The following KLK9 variants were observed in gnomAD, a reference collection of about 807,000 sequenced individuals.
KLK9 encodes kallikrein-9.
KLK9 carries 26 observed loss-of-function variants against 23.3 expected under a neutral mutation model. The observed-to-expected ratio is 1.12, with a 90% CI of 0.82 to 1.55. KLK9 has a LOEUF of 1.55. KLK9 is among the 40% of genes most tolerant of loss of function. The pLI, the probability that KLK9 is intolerant of heterozygous loss-of-function variation, is 0.00. For missense variants in KLK9, 346 were observed against 333.7 expected, an observed-to-expected ratio of 1.04 and a Z score of -0.29; for synonymous variants, 122 against 128.5, an observed-to-expected ratio of 0.95 and a Z score of 0.34.
In KLK9 at chr19:51,009,580, C is replaced by A. The variant is rs1242967565; in HGVS notation, c.-33G>T. On this transcript the variant is annotated 5_prime_UTR_variant, in exon 1 of 5. Transcript: ENST00000594211. This position sits in a 1 kb window ranked among gnomAD's most constrained non-coding sequence, Gnocchi z 4.8. ...GGGCACCTGGATCCTGGAACGTGCA[C>A]CCGGCGTCCAGTGCTTCTTTATGGT... is the stretch of plus-strand genomic sequence containing the variant. 6.2e-7 allele frequency: 1 copy of A among 1,605,888 alleles called. No homozygotes were observed. The highest frequency in any genetic ancestry group is 8.5e-7 in the Non-Finnish European group (1 of 1,175,506).
chr19:51,009,200 A>G lies in KLK9; in HGVS notation c.183T>C (p.Ala61=). The G allele has an allele frequency of 6.2e-7, 1 of 1,608,394 alleles. No individual in the cohort carries two copies. The highest frequency in any genetic ancestry group is 8.5e-7 in the Non-Finnish European group (1 of 1,178,900). The change falls in exon 2 of 5, where the codon GCT becomes GCC. Residue 61 remains alanine (A), a synonymous_variant. Coordinates refer to ENST00000594211, the MANE Select transcript of KLK9 (RefSeq NM_012315.2). This position sits in a 1 kb window ranked among gnomAD's most constrained non-coding sequence, Gnocchi z 4.8. Reference sequence around the variant, plus strand: ...TCACTCACGGCTTGCGGCAGTGGGCAGCTGTGAGCAGCCAGCGGTCACTGA... The same window carrying G: ...TCACTCACGGCTTGCGGCAGTGGGCGGCTGTGAGCAGCCAGCGGTCACTGA... The part of the protein sequence containing the change: ...TLISDRWLLT[A]AHCRKPYLWV...
Position 51,003,163 on chromosome 19 carries a change from T to C in KLK9, c.701A>G (p.Tyr234Cys), listed in dbSNP as rs756464177. 6.2e-7 allele frequency: 1 copy of C among 1,612,988 alleles called. No individual in the cohort carries two copies. The highest frequency in any genetic ancestry group is 1.1e-5 in the South Asian group (1 of 91,008). ...PCSRPRRPAV[Y>C]TSVCHYLDWI... ...GTCAAGGTAGTGGCATACGCTGGTG[T>C]AGACTGCGGGGCGCCGGGGTCTGGA... Residue 234 changes from tyrosine (Y) to cysteine (C), a missense_variant, in exon 5 of 5, where the codon TAC becomes TGC. Transcript: ENST00000594211.
At position 51,006,754 on chromosome 19, in the gene KLK9, G is replaced by T; in HGVS notation, c.201-31C>A. ...GGGACAGGCCTCAGAGGTCAAGCTG[G>T]GGGAAAGGTAAAAGTCCTTTCAGCC... On this transcript the variant is annotated intron_variant, in intron 2 of 4. Transcript: ENST00000594211. The surrounding 1 kb of genome is among the most constrained non-coding windows in gnomAD (Gnocchi z 4.1). 6.5e-7 allele frequency: 1 copy of T among 1,532,802 alleles called. No homozygotes were observed. The highest frequency in any genetic ancestry group is 1.3e-5 in the South Asian group (1 of 77,874). The allele number at this position is 1,532,802 out of a possible 1,614,324, so 95.0% of individuals were successfully genotyped here.
intron 3 of KLK9, 43 bp from the exon 4 acceptor site, chr19:51,003,883 A>C: frequency 6.3e-7 from 1 of 1,591,734 alleles, no homozygotes; most frequent in Non-Finnish European, 8.6e-7. Flanking sequence ...ACTGTCTCCA[A>C]CACACTCAGC....
chr19:51,002,943 C>G lies in KLK9; in HGVS notation c.*168G>C, dbSNP rs1290227715. On this transcript the variant is annotated 3_prime_UTR_variant, in exon 5 of 5. Transcript: ENST00000594211. ...GGGGCGCGACTGTGTCTTGCTTGAC[C>G]TCGTGAGGGGGCGGAGCCTCAGGGG... 1.2e-6 allele frequency: 1 copy of G among 802,320 alleles called. No homozygotes were observed. The highest frequency in any genetic ancestry group is 2.0e-5 in the South Asian group (1 of 48,842). 49.7% of individuals were successfully genotyped at this position (802,320 alleles called of 1,614,324 possible).
rs2091245160 is a variant in KLK9, at chr19:51,003,819, T to G, written c.488A>C (p.Gln163Pro). Residue 163 changes from glutamine (Q) to proline (P), a missense_variant, in exon 4 of 5, where the codon CAG becomes CCG. By Grantham distance (76) the Gln-to-Pro change is moderately conservative. Transcript: ENST00000594211. ...SPKALFPVTL[Q>P]CANISILENK... Reference sequence around the variant, plus strand: ...CTCCAGGATGCTGATGTTGGCACACTGCAGTGTGACTGGAAACAGCGCTGT... The same window carrying G: ...CTCCAGGATGCTGATGTTGGCACACGGCAGTGTGACTGGAAACAGCGCTGT... The G allele has an allele frequency of 6.2e-7, 1 of 1,613,834 alleles. No homozygotes were observed. Among genetic ancestry groups the G allele is most frequent in the Non-Finnish European group, 8.5e-7 (1 of 1,179,870 alleles).
At chr19:51,003,400 C>G in intron 4 of KLK9, 140 bp from the exon 5 acceptor site, 1 of 969,654 alleles carries the variant, frequency 1.0e-6, no homozygotes, top group Non-Finnish European at 1.5e-6. Context: ...GCCTCTTCTT[C>G]CTCAGACCCA....
chr19:51,003,216 G>A lies in KLK9; in HGVS notation c.648C>T (p.Gly216=), dbSNP rs1166111296. The A allele has an allele frequency of 6.2e-7, 1 of 1,613,172 alleles. No individual in the cohort carries two copies. The highest frequency in any genetic ancestry group is 8.5e-7 in the Non-Finnish European group (1 of 1,179,736). The change falls in exon 5 of 5, where the codon GGC becomes GGT. Residue 216 remains glycine (G), a synonymous_variant. Coordinates refer to ENST00000594211, the MANE Select transcript of KLK9 (RefSeq NM_012315.2). ...AGGGCTCAGCACCCCCAGACACCAC[G>A]CCTGCCAAGGTTCCATTGCAAACCA... The part of the protein sequence containing the change: ...GPLVCNGTLA[G]VVSGGAEPCS...
chr19:51,005,103 G>T (rs2091250763), intron 3 of KLK9, among the ~76,000 whole-genome samples: 1 of 152,120 alleles, frequency 6.6e-6, no homozygotes. Context: ...AACTTTTTCA[G>T]GTGAATCCAG....
rs749123539 is a variant in KLK9 at position 51,003,810 on chromosome 19, T to C, written c.497A>G (p.Asn166Ser). 1.1e-5 allele frequency: 18 copies of C among 1,613,936 alleles called. No homozygotes were observed. Among genetic ancestry groups the C allele is most frequent in the Admixed American group, 1.7e-5 (1 of 60,022 alleles). The change falls in exon 4 of 5, where the codon AAC (asparagine) becomes AGC (serine). Residue 166 changes from asparagine to serine, a missense_variant. Transcript: ENST00000594211. ...GAGTTTGTTCTCCAGGATGCTGATG[T>C]TGGCACACTGCAGTGTGACTGGAAA... ...ALFPVTLQCANISILENKLCH... is the reference protein window; with the variant it reads ...ALFPVTLQCASISILENKLCH...
In KLK9 at chr19:51,006,771, C is replaced by A; in HGVS notation, c.201-48G>T. 1 of 1,503,884 alleles carries A rather than the reference C, an allele frequency of 6.6e-7. No individual in the cohort carries two copies. The highest frequency in any genetic ancestry group is 8.9e-7 in the Non-Finnish European group (1 of 1,124,780). The allele number at this position is 1,503,884 out of a possible 1,614,324, so 93.2% of individuals were successfully genotyped here. A position where few individuals can be genotyped will look rare whatever the true frequency, so the allele number is the denominator to read the frequency against. ...TCAAGCTGGGGGAAAGGTAAAAGTCCTTTCAGCCCCAGCCCTCTTTTCCTG... is the reference window on the plus strand; with the variant it reads ...TCAAGCTGGGGGAAAGGTAAAAGTCATTTCAGCCCCAGCCCTCTTTTCCTG... On this transcript the variant is annotated intron_variant, in intron 2 of 4. Coordinates refer to ENST00000594211, the MANE Select transcript of KLK9 (RefSeq NM_012315.2). The surrounding 1 kb of genome is among the most constrained non-coding windows in gnomAD (Gnocchi z 4.1).
Position 51,006,487 on chromosome 19 carries a change from G to A in KLK9, c.437C>T (p.Ser146Leu). Residue 146 changes from serine (S) to leucine (L), a missense_variant, in exon 3 of 5, where the codon TCA (serine) becomes TTA (leucine). Transcript: ENST00000594211. The surrounding 1 kb of genome is among the most constrained non-coding windows in gnomAD (Gnocchi z 4.1). Reference sequence around the variant, plus strand: ...GGGGCTGGACACGGCCCCCCAGCCTGAGATGAGACACTGCATGCCTGGGGA... The same window carrying A: ...GGGGCTGGACACGGCCCCCCAGCCTAAGATGAGACACTGCATGCCTGGGGA... ...CVSPGMQCLI[S>L]GWGAVSSPKA... The A allele has an allele frequency of 6.2e-7, 1 of 1,612,718 alleles. No homozygotes were observed. The highest frequency in any genetic ancestry group is 8.5e-7 in the Non-Finnish European group (1 of 1,179,172).
At chr19:51,003,909 GTCCTCCCTGCAGCTTT>G (rs2091245606) in intron 3 of KLK9, 69 bp from the exon 4 acceptor site, 1 of 1,383,424 alleles carries the variant, frequency 7.2e-7, no homozygotes, top group African/African-American at 1.4e-5. Flanking sequence ...ACTGCCCTGA[GTCCTCCCTGCAGCTTT>G]TCCAAAGGAC....
rs1454458607 is a variant in KLK9, at chr19:51,009,283, G to A, written c.100C>T (p.Gln34Ter). 3.1e-6 allele frequency: 5 copies of A among 1,602,924 alleles called. No homozygotes were observed. Among genetic ancestry groups the A allele is most frequent in the Non-Finnish European group, 4.3e-6 (5 of 1,175,220 alleles). Residue 34 changes from glutamine to a stop codon, truncating the protein, a stop_gained, in exon 2 of 5, where the codon CAG (glutamine) becomes TAG (stop). Transcript: ENST00000594211. LOFTEE classifies it high-confidence loss of function. The surrounding 1 kb of genome is among the most constrained non-coding windows in gnomAD (Gnocchi z 4.8). ...IGAEECRPNS[Q>*]PWQAGLFHLT... Reference sequence around the variant, plus strand: ...TGGAAGAGGCCGGCCTGCCAAGGCTGGGAGTTGGGGCGACATTCCTCGGCC... The same window carrying A: ...TGGAAGAGGCCGGCCTGCCAAGGCTAGGAGTTGGGGCGACATTCCTCGGCC...
At position 51,006,713 on chromosome 19, in the gene KLK9, C is replaced by A. The variant is rs1210800263; in HGVS notation, c.211G>T (p.Val71Phe). ...AAHCRKPYLW[V>F]RLGEHHLWKW... ...CAGAGGTGGTGCTCTCCAAGGCGGA[C>A]CCACAGATACCTGCTGGGACAGGCC... The change falls in exon 3 of 5, where the codon GTC becomes TTC. Residue 71 changes from valine (V) to phenylalanine (F), a missense_variant. Transcript: ENST00000594211. The surrounding 1 kb of genome is among the most constrained non-coding windows in gnomAD (Gnocchi z 4.1). 31 of 1,583,656 alleles carry A rather than the reference C, an allele frequency of 2.0e-5. 1 individual carries two copies. Among genetic ancestry groups the A allele is most frequent in the Non-Finnish European group, 2.6e-5 (30 of 1,163,064 alleles).
chr19:51,004,105 C>T (rs540795401), intron 3 of KLK9, among the ~76,000 whole-genome samples: 31 of 152,004 alleles, frequency 2.0e-4, no homozygotes, highest in Non-Finnish European at 2.6e-4. Context: ...TTTTGGAGGC[C>T]GAGGCCGGCG....
chr19:51,005,953 T>TAAA (rs948684000), intron 3 of KLK9, among the ~76,000 whole-genome samples: 3 of 148,488 alleles, frequency 2.0e-5, no homozygotes, highest in African/African-American at 7.4e-5. Context: ...ATAATAATAA[T>TAAA]AAATAATAAA....
rs1199338993 is a variant in KLK9, at chr19:51,003,215, C to A, written c.649G>T (p.Val217Leu). The change falls in exon 5 of 5, where the codon GTG becomes TTG. Residue 217 changes from valine to leucine, a missense_variant. Val to Leu is a conservative substitution (Grantham distance 32). Coordinates refer to ENST00000594211, the MANE Select transcript of KLK9 (RefSeq NM_012315.2). ...CAGGGCTCAGCACCCCCAGACACCA[C>A]GCCTGCCAAGGTTCCATTGCAAACC... ...PLVCNGTLAG[V>L]VSGGAEPCSR... is the part of the protein sequence containing the mutation. 4 of 1,612,940 alleles carry A rather than the reference C, an allele frequency of 2.5e-6. No individual in the cohort carries two copies. The highest frequency in any genetic ancestry group is 3.4e-6 in the Non-Finnish European group (4 of 1,179,666).
At chr19:51,008,649 T>C (rs1027920955) in intron 2 of KLK9, among the ~76,000 whole-genome samples, 7 of 152,330 alleles carry the variant, frequency 4.6e-5, no homozygotes, top group Middle Eastern at 3.4e-3. Flanking sequence ...AAAGGCTTAG[T>C]ACCAAAACAA....
Sources: allele counts gnomAD v4.1 joint callset (sites outside exome capture counted in the v4.1 genomes callset), GRCh38; gene constraint gnomAD v4.1.1; non-coding constraint Gnocchi (gnomAD v3.1); transcripts MANE v1.5; gene names NCBI Gene and HGNC (gene_info 2026-07-23, HGNC 2026-07-21).